TRERF1: variants seen among roughly 807,000 people sequenced by gnomAD.
The protein encoded by TRERF1 is transcriptional-regulating factor 1.
In TRERF1, 27 loss-of-function variants were observed where a neutral mutation model predicts 122.9. That is an observed-to-expected ratio of 0.22 (90% confidence interval 0.16 to 0.30). TRERF1 has a LOEUF of 0.30. TRERF1 is among the 10% of genes least tolerant of loss of function. TRERF1 has a pLI of 1.00. For missense variants in TRERF1, 1,248 were observed against 1,560.3 expected, an observed-to-expected ratio of 0.80 and a Z score of 3.37; for synonymous variants, 636 against 641.7, an observed-to-expected ratio of 0.99 and a Z score of 0.13.
chr6:42,240,140 G>A (rs1773331061), intron 15 of TRERF1, among the ~76,000 whole-genome samples: 1 of 152,182 alleles, frequency 6.6e-6, no homozygotes, highest in Non-Finnish European at 1.5e-5. Context: ...TCACTCCTCT[G>A]CTCAGCATCC....
chr6:42,261,938 T>C (rs1224166984), intron 8 of TRERF1, among the ~76,000 whole-genome samples: 1 of 152,088 alleles, frequency 6.6e-6, no homozygotes, highest in African/African-American at 2.4e-5. Flanking sequence ...ACTTAAAGCA[T>C]CAATTTCTTG....
chr6:42,451,456 G>A (rs116166642), intron 1 of TRERF1, among the ~76,000 whole-genome samples, 195 bp from the exon 2 acceptor site: 3,680 of 151,176 alleles, frequency 0.024, 160 homozygotes, highest in African/African-American at 0.085. Context: ...CCCAGGGTAG[G>A]AAGCTTTGGG....
chr6:42,370,404 A>G (rs1773564245), intron 2 of TRERF1, among the ~76,000 whole-genome samples: 3 of 152,198 alleles, frequency 2.0e-5, no homozygotes, highest in Non-Finnish European at 2.9e-5. Flanking sequence ...TTTACATAAC[A>G]AAGAAAAAAT....
intron 2 of TRERF1, among the ~76,000 whole-genome samples, chr6:42,403,770 G>A (rs1779757846): frequency 6.6e-6 from 1 of 152,190 alleles, no homozygotes; most frequent in Non-Finnish European, 1.5e-5. Flanking sequence ...ATACATTCCA[G>A]AGCGCATTTT....
intron 2 of TRERF1, among the ~76,000 whole-genome samples, chr6:42,445,353 G>GACAC (rs57862861): frequency 0.013 from 1,127 of 86,690 alleles, 11 homozygotes; most frequent in African/African-American, 0.021. Context: ...TACACACACA[G>GACAC]ACACACACAC....
chr6:42,359,576 T>C (rs1276689989), intron 3 of TRERF1, among the ~76,000 whole-genome samples: 1 of 152,092 alleles, frequency 6.6e-6, no homozygotes, highest in African/African-American at 2.4e-5. Context: ...ATACAAAAAT[T>C]AGCTGGGCGC....
intron 4 of TRERF1, among the ~76,000 whole-genome samples, chr6:42,272,193 G>C (rs183687494): frequency 1.3e-5 from 2 of 152,202 alleles, no homozygotes; most frequent in Non-Finnish European, 2.9e-5. Flanking sequence ...TTTTAGGGAG[G>C]ATTTTAAACA....
In TRERF1 at chr6:42,330,381, C is replaced by T. The variant is rs1489848869; in HGVS notation, c.-370-29632G>A. ...TCACCAGTATCTATCAAAATTTCAA[C>T]ATGCATGCCCTCTGACCCTGGAGTC... On this transcript the variant is annotated intron_variant, in intron 3 of 17. Transcript: ENST00000372922. Among the ~76,000 whole-genome samples the T allele has an allele frequency of 2.0e-5, 3 of 152,208 alleles. No individual in the cohort carries two copies. In the East Asian group the frequency reaches 5.8e-4, roughly 29 times the overall value.
exon 7 of TRERF1, chr6:42,264,845 G>A: frequency 6.2e-7 from 1 of 1,614,124 alleles, no homozygotes; most frequent in Non-Finnish European, 8.5e-7. Flanking sequence ...ACGCTCCTTT[G>A]GGTTGGCCAC....
chr6:42,273,223 C>T (rs925135616), intron 4 of TRERF1, among the ~76,000 whole-genome samples: 4 of 152,002 alleles, frequency 2.6e-5, no homozygotes, highest in African/African-American at 9.7e-5. Flanking sequence ...ATTGCACTTC[C>T]ACCAGTGCAA....
chr6:42,312,432 C>T (rs796983970), intron 3 of TRERF1, among the ~76,000 whole-genome samples: 2 of 152,324 alleles, frequency 1.3e-5, no homozygotes, highest in South Asian at 2.1e-4. Context: ...CACTGGATCA[C>T]GGAGTCAGTA....
chr6:42,435,273 C>T (rs1785143694), intron 2 of TRERF1, among the ~76,000 whole-genome samples: 1 of 152,094 alleles, frequency 6.6e-6, no homozygotes, highest in South Asian at 2.1e-4. Flanking sequence ...GTTTAAGTGG[C>T]CTGAATTGTC....
At chr6:42,267,503 C>T (rs555966199) in intron 5 of TRERF1, among the ~76,000 whole-genome samples, 32 of 152,072 alleles carry the variant, frequency 2.1e-4, no homozygotes, top group Non-Finnish European at 3.5e-4. Context: ...GTGGTGTGTG[C>T]CTGTAATTCC....
rs1781014274 is a variant in TRERF1, at chr6:42,275,617, A to G, written c.-258-5769T>C. On this transcript the variant is annotated intron_variant, in intron 4 of 17. Coordinates refer to ENST00000372922, the Ensembl canonical transcript of TRERF1. The surrounding 1 kb of genome is among the most constrained non-coding windows in gnomAD (Gnocchi z 4.1). ...CAACAAACGCTCACTGAACTGCAAC[A>G]CTGCGCTAGGCAAAGGAGACCTAGA... 6.6e-6 allele frequency among the ~76,000 whole-genome samples: 1 copy of G among 152,226 alleles called. No homozygotes were observed. The highest frequency in any genetic ancestry group is 2.4e-5 in the African/African-American group (1 of 41,470).
chr6:42,412,362 T>C (rs1781242121), intron 2 of TRERF1, among the ~76,000 whole-genome samples: 1 of 152,226 alleles, frequency 6.6e-6, no homozygotes, highest in Non-Finnish European at 1.5e-5. Context: ...TCTCTAGTAA[T>C]GAACTATAGA....
At position 42,275,906 on chromosome 6, in the gene TRERF1, T is replaced by C. The variant is rs1380435349; in HGVS notation, c.-258-6058A>G. Among the ~76,000 whole-genome samples, 1 of 152,236 alleles carries C rather than the reference T, an allele frequency of 6.6e-6. No individual in the cohort carries two copies. On this transcript the variant is annotated intron_variant, in intron 4 of 17. Transcript: ENST00000372922. The surrounding 1 kb of genome is among the most constrained non-coding windows in gnomAD (Gnocchi z 4.1). ...AAAGCGGCCACAGACCATATATAAA[T>C]GAATGGGCGTGGCTGTGTTCCAATA...
chr6:42,358,108 A>G (rs1770946951), intron 3 of TRERF1, among the ~76,000 whole-genome samples: 2 of 152,090 alleles, frequency 1.3e-5, no homozygotes. Flanking sequence ...TGGCACACAC[A>G]CCCTTTCCCA....
chr6:42,380,221 G>C (rs1775681921), intron 2 of TRERF1, among the ~76,000 whole-genome samples: 1 of 152,124 alleles, frequency 6.6e-6, no homozygotes, highest in East Asian at 1.9e-4. Context: ...GCAATGTGAG[G>C]GGTGGGTGGG....
chr6:42,397,076 T>C (rs1778720420), intron 2 of TRERF1, among the ~76,000 whole-genome samples: 1 of 152,098 alleles, frequency 6.6e-6, no homozygotes, highest in South Asian at 2.1e-4. Flanking sequence ...GGCAAGATGC[T>C]CTCAGAGCAG....
Sources: allele counts gnomAD v4.1 joint callset (sites outside exome capture counted in the v4.1 genomes callset), GRCh38; gene constraint gnomAD v4.1.1; non-coding constraint Gnocchi (gnomAD v3.1); transcripts MANE v1.5; gene names NCBI Gene and HGNC (gene_info 2026-07-23, HGNC 2026-07-21).